MAML3: variants seen among roughly 807,000 people sequenced by gnomAD.
MAML3 encodes the protein mastermind like transcriptional coactivator 3.
MAML3 carries 27 observed loss-of-function variants against 101.9 expected under a neutral mutation model. That is an observed-to-expected ratio of 0.27 (90% CI 0.20 to 0.37). The LOEUF (loss-of-function observed/expected upper bound fraction) is 0.37. Ranked by LOEUF, MAML3 falls within the 10% of genes least tolerant of loss-of-function variation. The probability of loss-of-function intolerance (pLI) is 1.00; values close to 1 mark genes in which losing one functional copy is unlikely to be tolerated. For synonymous variants in MAML3, 501 were observed against 555.9 expected, an observed-to-expected ratio of 0.90 and a Z score of 1.39; for missense variants, 1,316 against 1,444.9, an observed-to-expected ratio of 0.91 and a Z score of 1.45.
In MAML3 at chr4:139,735,922, G is replaced by A. The variant is rs1397080759; in HGVS notation, c.2080-5255C>T. ...GGTCCTCGGCCCGCGCGCGCCGCTC[G>A]GGAGCCCGCGAGGCTGCGGTGTGCT... On this transcript the variant is annotated intron_variant, in intron 2 of 4. Transcript: ENST00000509479. This position sits in a 1 kb window ranked among gnomAD's most constrained non-coding sequence, Gnocchi z 5.8. Among the ~76,000 whole-genome samples, 1 of 152,062 alleles carries A rather than the reference G, an allele frequency of 6.6e-6. No homozygotes were observed. Among genetic ancestry groups the A allele is most frequent in the African/African-American group, 2.4e-5 (1 of 41,430 alleles).
intron 1 of MAML3, among the ~76,000 whole-genome samples, chr4:139,973,598 G>T (rs1734267969): frequency 6.6e-6 from 1 of 152,054 alleles, no homozygotes; most frequent in South Asian, 2.1e-4. Context: ...TTCAAGTCAG[G>T]CCCCAGTCAG....
chr4:140,073,324 G>T (rs1387985241), intron 1 of MAML3, among the ~76,000 whole-genome samples: 1 of 152,012 alleles, frequency 6.6e-6, no homozygotes, highest in East Asian at 1.9e-4. Flanking sequence ...TTTTAGTAGA[G>T]ACAGGGTTTC....
chr4:139,785,441 G>A lies in MAML3; in HGVS notation c.2080-54774C>T, dbSNP rs1730287842. Among the ~76,000 whole-genome samples the A allele has an allele frequency of 6.6e-6, 1 of 152,220 alleles. No individual in the cohort carries two copies. Among genetic ancestry groups the A allele is most frequent in the Non-Finnish European group, 1.5e-5 (1 of 68,036 alleles). On this transcript the variant is annotated intron_variant, in intron 2 of 4. Coordinates refer to ENST00000509479, the MANE Select transcript of MAML3 (RefSeq NM_018717.5). This position sits in a 1 kb window ranked among gnomAD's most constrained non-coding sequence, Gnocchi z 4.3. ...CCTATGCTTGCTCTGGGATCAGAGTGTTCTTGATGAGTGAATTGGGCAGTA... is the reference window on the plus strand; with the variant it reads ...CCTATGCTTGCTCTGGGATCAGAGTATTCTTGATGAGTGAATTGGGCAGTA...
rs1730285148 is a variant in MAML3, at chr4:139,785,225, C to T, written c.2080-54558G>A. ...TGAACCACAGCCTGCCCCTCAGCTTCTGGGTCCTCCCACACGGTGCCGGAT... is the reference window on the plus strand; with the variant it reads ...TGAACCACAGCCTGCCCCTCAGCTTTTGGGTCCTCCCACACGGTGCCGGAT... On this transcript the variant is annotated intron_variant, in intron 2 of 4. Coordinates refer to ENST00000509479, the MANE Select transcript of MAML3 (RefSeq NM_018717.5). This position sits in a 1 kb window ranked among gnomAD's most constrained non-coding sequence, Gnocchi z 4.3. Among the ~76,000 whole-genome samples the T allele has an allele frequency of 6.6e-6, 1 of 152,218 alleles. No homozygotes were observed. The highest frequency in any genetic ancestry group is 1.5e-5 in the Non-Finnish European group (1 of 68,034).
intron 1 of MAML3, among the ~76,000 whole-genome samples, chr4:140,137,010 A>G (rs1433901887): frequency 1.3e-5 from 2 of 152,226 alleles, no homozygotes; most frequent in South Asian, 2.1e-4. Flanking sequence ...TGTTTTTGAG[A>G]CGGAGTCTCG....
chr4:139,916,892 G>A (rs747964182), intron 1 of MAML3, among the ~76,000 whole-genome samples: 6 of 152,144 alleles, frequency 3.9e-5, no homozygotes, highest in African/African-American at 9.7e-5. Context: ...TCAAGTGGGC[G>A]TTCTTTAACC....
rs1295622053 is a variant in MAML3 at position 139,889,983 on chromosome 4, T to G, written c.1453A>C (p.Lys485Gln). ...TGCTGCTGCTGTTGCTGTTGCTGTT[T>G]CTGCTGCATGAGTTTGGCCCTTTGT... ...QQQRAKLMQQ[K>Q]QQQQQQQQQQ... The change falls in exon 2 of 5, where the codon AAA becomes CAA. Residue 485 changes from lysine to glutamine, a missense_variant. Lys to Gln is a moderately conservative substitution (Grantham distance 53). Coordinates refer to ENST00000509479, the MANE Select transcript of MAML3 (RefSeq NM_018717.5). 1.2e-6 allele frequency: 2 copies of G among 1,612,142 alleles called. No individual in the cohort carries two copies. The highest frequency in any genetic ancestry group is 1.3e-5 in the African/African-American group (1 of 74,792).
rs577309926 is a variant in MAML3, at chr4:140,073,190, C to T, written c.468+79670G>A. Among the ~76,000 whole-genome samples the T allele has an allele frequency of 4.6e-5, 7 of 151,268 alleles. No homozygotes were observed. The South Asian group carries it at 1.0e-3, about 23-fold the overall frequency. On this transcript the variant is annotated intron_variant, in intron 1 of 4. Transcript: ENST00000509479. ...TCTCTCTCTGTCACCCAGGCTGGAG[C>T]GCAGTGGCAAGATCTTGGTTCACTG...
intron 2 of MAML3, among the ~76,000 whole-genome samples, chr4:139,757,308 C>A (rs966558783): frequency 6.6e-6 from 1 of 152,122 alleles, no homozygotes; most frequent in Non-Finnish European, 1.5e-5. Flanking sequence ...CCACCAGGTC[C>A]TGAGCCTGCC....
intron 1 of MAML3, among the ~76,000 whole-genome samples, chr4:140,121,364 T>C (rs572654448): frequency 6.6e-6 from 1 of 152,360 alleles, no homozygotes; most frequent in East Asian, 1.9e-4. Context: ...CTTTACGACA[T>C]AGCACGTCCT....
At chr4:139,786,067 G>A (rs1431012660) in intron 2 of MAML3, among the ~76,000 whole-genome samples, 3 of 151,930 alleles carry the variant, frequency 2.0e-5, no homozygotes, top group East Asian at 1.9e-4. Flanking sequence ...GCACTAATCC[G>A]ATATGGCTGG....
intron 1 of MAML3, among the ~76,000 whole-genome samples, chr4:139,932,275 T>G (rs1303428874): frequency 1.3e-5 from 2 of 152,176 alleles, no homozygotes; most frequent in Non-Finnish European, 2.9e-5. Flanking sequence ...CTTGGAATTT[T>G]TTTATGTCAC....
chr4:139,856,383 A>G (rs563235082), intron 2 of MAML3, among the ~76,000 whole-genome samples: 41 of 152,324 alleles, frequency 2.7e-4, no homozygotes, highest in African/African-American at 9.1e-4. Flanking sequence ...AAAAAGGAGA[A>G]CTACAAGGAC....
chr4:139,726,170 T>C (rs2110974329), intron 3 of MAML3, among the ~76,000 whole-genome samples: 1 of 152,370 alleles, frequency 6.6e-6, no homozygotes, highest in African/African-American at 2.4e-5. Context: ...CTTTTGTACT[T>C]TGCAGAAAAG....
chr4:139,858,011 A>T (rs894798616), intron 2 of MAML3, among the ~76,000 whole-genome samples: 1 of 152,256 alleles, frequency 6.6e-6, no homozygotes, highest in Non-Finnish European at 1.5e-5. Flanking sequence ...GGGTTACCAT[A>T]TAATTCCATC....
At chr4:139,863,894 A>G (rs1321507606) in intron 2 of MAML3, among the ~76,000 whole-genome samples, 1 of 137,130 alleles carries the variant, frequency 7.3e-6, no homozygotes, top group Non-Finnish European at 1.5e-5. Context: ...GAATATATCC[A>G]GAAACATTCT....
intron 1 of MAML3, among the ~76,000 whole-genome samples, chr4:140,066,947 C>A (rs907846533): frequency 2.6e-5 from 4 of 152,208 alleles, no homozygotes; most frequent in Admixed American, 6.5e-5. Context: ...ACCACACAGG[C>A]TATTTTTAAT....
At chr4:139,724,669 A>G (rs755893161) in intron 4 of MAML3, among the ~76,000 whole-genome samples, 65 of 151,944 alleles carry the variant, frequency 4.3e-4, no homozygotes, top group Non-Finnish European at 6.2e-4. Flanking sequence ...TGGGATTAGG[A>G]TTTCTGCTGC....
intron 2 of MAML3, among the ~76,000 whole-genome samples, chr4:139,766,205 T>C (rs1729856896): frequency 6.6e-6 from 1 of 151,972 alleles, no homozygotes; most frequent in South Asian, 2.1e-4. Flanking sequence ...GGAGTCTCAC[T>C]CTGTCACCCA....
Sources: allele counts gnomAD v4.1 joint callset (sites outside exome capture counted in the v4.1 genomes callset), GRCh38; gene constraint gnomAD v4.1.1; non-coding constraint Gnocchi (gnomAD v3.1); transcripts MANE v1.5; gene names NCBI Gene and HGNC (gene_info 2026-07-23, HGNC 2026-07-21).